The following FNTB variants were observed in gnomAD, a reference collection of about 807,000 sequenced individuals.
FNTB encodes the protein protein farnesyltransferase subunit beta.
Under a neutral mutation model 59.4 loss-of-function variants are expected in FNTB, and 27 were observed. That is an observed-to-expected ratio of 0.45 (90% CI 0.34 to 0.63). FNTB has a LOEUF of 0.63. Among genes scored for constraint, FNTB ranks in the 20% least tolerant of loss-of-function variants. The pLI is 0.02. For synonymous variants in FNTB, 230 were observed against 220.7 expected, an observed-to-expected ratio of 1.04 and a Z score of -0.37; for missense variants, 449 against 559.6, an observed-to-expected ratio of 0.80 and a Z score of 1.99.
intron 9 of FNTB, among the ~76,000 whole-genome samples, chr14:65,048,759 G>T (rs1161507308): frequency 1.3e-5 from 2 of 152,192 alleles, no homozygotes; most frequent in African/African-American, 2.4e-5. Flanking sequence ...GGAGGCTGAG[G>T]TAGAAGGATC....
At chr14:65,022,525 A>G (rs1003499227) in intron 4 of FNTB, among the ~76,000 whole-genome samples, 1 of 152,088 alleles carries the variant, frequency 6.6e-6, no homozygotes, top group African/African-American at 2.4e-5. Flanking sequence ...CTGTAATATT[A>G]AGCTTTTTAT....
At chr14:65,005,637 TCCTGC>T (rs781665715) in intron 2 of FNTB, among the ~76,000 whole-genome samples, 92 of 151,660 alleles carry the variant, frequency 6.1e-4, no homozygotes, top group Admixed American at 1.5e-3. Context: ...TCCTGTCCGG[TCCTGC>T]CCTGCCCTGC....
In FNTB at chr14:65,027,584, A is replaced by C. The variant is rs1009989307; in HGVS notation, c.506A>C (p.Tyr169Ser). The C allele has an allele frequency of 6.2e-7, 1 of 1,614,226 alleles. No individual in the cohort carries two copies. The highest frequency in any genetic ancestry group is 8.5e-7 in the Non-Finnish European group (1 of 1,180,032). Reference protein sequence around the residue: ...ALCIIGTEEAYDIINREKLLQ... With the variant: ...ALCIIGTEEASDIINREKLLQ... ...TGCATCATTGGCACCGAGGAGGCCT[A>C]TGACATCATTAACAGGTACAGTGAA... The change falls in exon 5 of 12, where the codon TAT (tyrosine) becomes TCT (serine). Residue 169 changes from tyrosine to serine, a missense_variant. Tyr to Ser is a moderately radical substitution (Grantham distance 144). This residue lies in a region of FNTB where 337 missense variants were observed against 479.1 expected (regional missense o/e 0.70). Coordinates refer to ENST00000246166, the MANE Select transcript of FNTB (RefSeq NM_002028.4). The surrounding 1 kb of genome is among the most constrained non-coding windows in gnomAD (Gnocchi z 5.7).
At chr14:65,002,327 G>C (rs1170978350) in intron 1 of FNTB, among the ~76,000 whole-genome samples, 4 of 152,232 alleles carry the variant, frequency 2.6e-5, no homozygotes, top group Non-Finnish European at 5.9e-5. Context: ...CCAAGGGGTT[G>C]GCTGGGCGTG....
intron 9 of FNTB, among the ~76,000 whole-genome samples, chr14:65,050,954 A>AT (rs1334107363): frequency 6.6e-6 from 1 of 152,248 alleles, no homozygotes; most frequent in Non-Finnish European, 1.5e-5. Flanking sequence ...AAGTAAAAGA[A>AT]GATAGAGTGA....
At position 64,986,982 on chromosome 14, in the gene FNTB, A is replaced by C. The variant is rs775983734; in HGVS notation, c.29A>C (p.Tyr10Ser). 1 of 1,613,934 alleles carries C rather than the reference A, an allele frequency of 6.2e-7. No individual in the cohort carries two copies. The highest frequency in any genetic ancestry group is 8.5e-7 in the Non-Finnish European group (1 of 1,179,988). MASPSSFTYYCPPSSSPVWS... is the reference protein window; with the variant it reads MASPSSFTYSCPPSSSPVWS... ...GCTTCTCCGAGTTCTTTCACCTACT[A>C]TTGCCCTCCATCTTCCTCCCCCGTC... Residue 10 changes from tyrosine to serine, a missense_variant, in exon 1 of 12, where the codon TAT becomes TCT. This residue lies in a region of FNTB where 112 missense variants were observed against 80.5 expected (regional missense o/e 1.39). Transcript: ENST00000246166.
rs2061609203 is a variant in FNTB at position 65,007,234 on chromosome 14, C to T, written c.209+2921C>T. On this transcript the variant is annotated intron_variant, in intron 2 of 11. Transcript: ENST00000246166. This position sits in a 1 kb window ranked among gnomAD's most constrained non-coding sequence, Gnocchi z 4.9. ...TTATCAGAATTTTAAATCATTATCA[C>T]AGTCTCAATATTTAACATATTAATA... Among the ~76,000 whole-genome samples, 1 of 152,202 alleles carries T rather than the reference C, an allele frequency of 6.6e-6. No homozygotes were observed.
In FNTB at chr14:65,032,706, G is replaced by A; in HGVS notation, c.692+10G>A. On this transcript the variant is annotated intron_variant, in intron 7 of 11. Transcript: ENST00000246166. This position sits in a 1 kb window ranked among gnomAD's most constrained non-coding sequence, Gnocchi z 5.0. ...CTGAATGGATAGCAAGGTGAGAGAA[G>A]CCAGGGTTTCTCCTGGCCTCTTGGA... The A allele has an allele frequency of 6.2e-7, 1 of 1,612,854 alleles. No individual in the cohort carries two copies. Among genetic ancestry groups the A allele is most frequent in the Non-Finnish European group, 8.5e-7 (1 of 1,179,738 alleles).
At chr14:64,992,611 C>T (rs1277602967) in intron 1 of FNTB, among the ~76,000 whole-genome samples, 1 of 152,190 alleles carries the variant, frequency 6.6e-6, no homozygotes, top group Non-Finnish European at 1.5e-5. Flanking sequence ...CAAGTATCCA[C>T]TTGCATAACA....
At position 65,005,417 on chromosome 14, in the gene FNTB, A is replaced by G. The variant is rs543959696; in HGVS notation, c.209+1104A>G. On this transcript the variant is annotated intron_variant, in intron 2 of 11. Coordinates refer to ENST00000246166, the MANE Select transcript of FNTB (RefSeq NM_002028.4). ...CCTAAAACTGTGTGGTCACCATTTTATCTTAATGATGGAACACTTTCTCTT... is the reference window on the plus strand; with the variant it reads ...CCTAAAACTGTGTGGTCACCATTTTGTCTTAATGATGGAACACTTTCTCTT... Among the ~76,000 whole-genome samples, 99 of 152,092 alleles carry G rather than the reference A, an allele frequency of 6.5e-4. 1 individual carries two copies. The South Asian group carries it at 0.02, about 31-fold the overall frequency.
At chr14:65,003,394 A>C (rs1378265363) in intron 1 of FNTB, 1 of 152,208 alleles carries the variant, frequency 6.6e-6, no homozygotes, top group Non-Finnish European at 1.5e-5. Flanking sequence ...ATAGAGCAGG[A>C]AGAATACATA....
At chr14:65,010,509 T>C (rs1566867731) in intron 2 of FNTB, among the ~76,000 whole-genome samples, 1 of 152,194 alleles carries the variant, frequency 6.6e-6, no homozygotes. Context: ...GTTCGGGCCC[T>C]AAGTAGCCCC....
Position 64,990,421 on chromosome 14 carries a change from G to T in FNTB, c.144+3324G>T, listed in dbSNP as rs1339800534. Reference sequence around the variant, plus strand: ...CTTCCCTCCTGCAGGCTTGTGTGGGGTGGGGTTTCCTTAGACTTAAGGTCA... The same window carrying T: ...CTTCCCTCCTGCAGGCTTGTGTGGGTTGGGGTTTCCTTAGACTTAAGGTCA... On this transcript the variant is annotated intron_variant, in intron 1 of 11. Coordinates refer to ENST00000246166, the MANE Select transcript of FNTB (RefSeq NM_002028.4). This position sits in a 1 kb window ranked among gnomAD's most constrained non-coding sequence, Gnocchi z 5.2. Among the ~76,000 whole-genome samples the T allele has an allele frequency of 6.6e-6, 1 of 152,154 alleles. No individual in the cohort carries two copies. The highest frequency in any genetic ancestry group is 2.4e-5 in the African/African-American group (1 of 41,420).
intron 1 of FNTB, among the ~76,000 whole-genome samples, chr14:65,002,334 C>T (rs1371612474): frequency 1.3e-5 from 2 of 152,180 alleles, no homozygotes; most frequent in Admixed American, 6.5e-5. Context: ...GTTGGCTGGG[C>T]GTGGTGGCTC....
Position 64,987,013 on chromosome 14 carries a change from A to G in FNTB, c.60A>G (p.Ser20=), listed in dbSNP as rs374564162. 2 of 1,614,092 alleles carry G rather than the reference A, an allele frequency of 1.2e-6. No homozygotes were observed. The highest frequency in any genetic ancestry group is 1.3e-5 in the African/African-American group (1 of 74,926). The part of the protein sequence containing the change: ...YCPPSSSPVW[S]EPLYSLRPEH... Reference sequence around the variant, plus strand: ...CTCCATCTTCCTCCCCCGTCTGGTCAGAGCCGCTGTACAGTCTGAGGCCCG... The same window carrying G: ...CTCCATCTTCCTCCCCCGTCTGGTCGGAGCCGCTGTACAGTCTGAGGCCCG... Residue 20 remains serine, a synonymous_variant, in exon 1 of 12, where the codon TCA becomes TCG. Transcript: ENST00000246166.
In FNTB at chr14:64,994,810, A is replaced by G. The variant is rs1003356361; in HGVS notation, c.144+7713A>G. The stretch of plus-strand genomic sequence containing the variant: ...ACTGTACACTTGTTACTGAGCAGAC[A>G]TTATGAAAAATAAAAATAAACACGG... On this transcript the variant is annotated intron_variant, in intron 1 of 11. Coordinates refer to ENST00000246166, the MANE Select transcript of FNTB (RefSeq NM_002028.4). This position sits in a 1 kb window ranked among gnomAD's most constrained non-coding sequence, Gnocchi z 4.2. Among the ~76,000 whole-genome samples, 2 of 152,190 alleles carry G rather than the reference A, an allele frequency of 1.3e-5. No individual in the cohort carries two copies. Among genetic ancestry groups the G allele is most frequent in the Non-Finnish European group, 1.5e-5 (1 of 68,030 alleles).
chr14:65,027,451 A>G lies in FNTB; in HGVS notation c.375-2A>G. On this transcript the variant is annotated splice_acceptor_variant, in intron 4 of 11. Transcript: ENST00000246166. LOFTEE classifies it high-confidence loss of function. This position sits in a 1 kb window ranked among gnomAD's most constrained non-coding sequence, Gnocchi z 5.7. ...GTTTTTGCCCTTTGGCTGTGTACCT[A>G]GTGTGTGTCAGTTCCTGGAGCTGTG... is the stretch of plus-strand genomic sequence containing the variant. The G allele has an allele frequency of 6.2e-7, 1 of 1,614,036 alleles. No homozygotes were observed. Among genetic ancestry groups the G allele is most frequent in the South Asian group, 1.1e-5 (1 of 91,064 alleles).
At chr14:64,992,016 A>C (rs555688836) in intron 1 of FNTB, among the ~76,000 whole-genome samples, 79 of 152,122 alleles carry the variant, frequency 5.2e-4, no homozygotes, top group Non-Finnish European at 9.6e-4. Flanking sequence ...CCTGCTGTTG[A>C]CTTATTTCAG....
At chr14:65,040,735 C>T (rs945571324) in intron 7 of FNTB, 55 bp from the exon 8 acceptor site, 1 of 1,572,206 alleles carries the variant, frequency 6.4e-7, no homozygotes, top group African/African-American at 1.4e-5. Flanking sequence ...TGGTCCTGGT[C>T]TTGTGTACGT....
Sources: allele counts gnomAD v4.1 joint callset (sites outside exome capture counted in the v4.1 genomes callset), GRCh38; gene constraint gnomAD v4.1.1; regional missense constraint gnomAD v4.1.1; non-coding constraint Gnocchi (gnomAD v3.1); transcripts MANE v1.5; gene names NCBI Gene and HGNC (gene_info 2026-07-23, HGNC 2026-07-21).